PCDHGA1: variants seen among roughly 807,000 people sequenced by gnomAD.
PCDHGA1 encodes the protein protocadherin gamma subfamily A, 1, also known as protocadherin gamma-A1.
In PCDHGA1, 32 loss-of-function variants were observed where a neutral mutation model predicts 58.0. The ratio of observed to expected loss-of-function variants is 0.55; its 90% CI spans 0.42 to 0.74. The LOEUF (loss-of-function observed/expected upper bound fraction) is 0.74. Ranked by LOEUF, PCDHGA1 falls within the 30% of genes least tolerant of loss-of-function variation. The pLI, the probability that PCDHGA1 is intolerant of heterozygous loss-of-function variation, is 0.00. For missense variants in PCDHGA1, 1,205 were observed against 1,182.3 expected (o/e 1.02, Z -0.28); for synonymous variants, 498 against 501.1 (o/e 0.99, Z 0.08).
At chr5:141,390,536 C>T (rs2092171598) in intron 1 of PCDHGA1, 1 of 522,874 alleles carries the variant, frequency 1.9e-6, no homozygotes, top group Non-Finnish European at 3.4e-6. Context: ...TGGTTTTAAC[C>T]ACAAAGTGAA....
chr5:141,477,220 G>A lies in PCDHGA1; in HGVS notation c.2422-17587G>A. 24 of 1,614,190 alleles carry A rather than the reference G, an allele frequency of 1.5e-5. No individual in the cohort carries two copies. The highest frequency in any genetic ancestry group is 1.9e-5 in the Non-Finnish European group (23 of 1,180,040). ...CAGTACCCGAGGATGCCCCTCTGGG[G>A]ACTGTCATCGCTTTGCTCAGTGTGA... is the stretch of plus-strand genomic sequence containing the variant. On this transcript the variant is annotated intron_variant, in intron 1 of 3. Coordinates refer to ENST00000517417, the MANE Select transcript of PCDHGA1 (RefSeq NM_018912.3). The surrounding 1 kb of genome is among the most constrained non-coding windows in gnomAD (Gnocchi z 4.9).
chr5:141,430,805 C>T (rs1445689047), intron 1 of PCDHGA1: 2 of 1,525,722 alleles, frequency 1.3e-6, no homozygotes, highest in Admixed American at 2.3e-5. Flanking sequence ...GCTTGTCCTG[C>T]TGGGAATCCT....
At chr5:141,437,796 G>A (rs2097911691) in intron 1 of PCDHGA1, among the ~76,000 whole-genome samples, 1 of 150,348 alleles carries the variant, frequency 6.7e-6, no homozygotes, top group South Asian at 2.1e-4. Context: ...GGAGTGCAGT[G>A]GCACTATCTT....
chr5:141,419,993 G>T (rs754254084), intron 1 of PCDHGA1: 5 of 1,614,056 alleles, frequency 3.1e-6, no homozygotes, highest in Middle Eastern at 1.6e-4. Context: ...TCTAGCTATT[G>T]CTCTACGCCT....
At position 141,433,069 on chromosome 5, in the gene PCDHGA1, C is replaced by G. The variant is rs561950316; in HGVS notation, c.2422-61738C>G. The G allele has an allele frequency of 3.1e-6, 5 of 1,614,200 alleles. No homozygotes were observed. In the Admixed American group the frequency reaches 8.3e-5, roughly 27 times the overall value. Reference sequence around the variant, plus strand: ...ACTCGCGGAAGAGTCACCTGATCTTCCCCCAGCCCAACTATGCAGACATGC... The same window carrying G: ...ACTCGCGGAAGAGTCACCTGATCTTGCCCCAGCCCAACTATGCAGACATGC... On this transcript the variant is annotated intron_variant, in intron 1 of 3. Coordinates refer to ENST00000517417, the MANE Select transcript of PCDHGA1 (RefSeq NM_018912.3).
Position 141,477,447 on chromosome 5 carries a change from G to T in PCDHGA1, c.2422-17360G>T, listed in dbSNP as rs779097830. The T allele has an allele frequency of 6.2e-7, 1 of 1,614,098 alleles. No homozygotes were observed. Among genetic ancestry groups the T allele is most frequent in the Non-Finnish European group, 8.5e-7 (1 of 1,180,016 alleles). ...TCCCTCTCAGCCCTTACAATAGTGCGTGTTCAAGTGTCCGACATCAATGAC... is the reference window on the plus strand; with the variant it reads ...TCCCTCTCAGCCCTTACAATAGTGCTTGTTCAAGTGTCCGACATCAATGAC... On this transcript the variant is annotated intron_variant, in intron 1 of 3. Coordinates refer to ENST00000517417, the MANE Select transcript of PCDHGA1 (RefSeq NM_018912.3). This position sits in a 1 kb window ranked among gnomAD's most constrained non-coding sequence, Gnocchi z 4.9.
In PCDHGA1 at chr5:141,511,296, A is replaced by C; in HGVS notation, c.*123A>C. 1 of 1,505,968 alleles carries C rather than the reference A, an allele frequency of 6.6e-7. No individual in the cohort carries two copies. The allele number at this position is 1,505,968 out of a possible 1,614,324, so 93.3% of individuals were successfully genotyped here. On this transcript the variant is annotated 3_prime_UTR_variant, in exon 4 of 4. Coordinates refer to ENST00000517417, the MANE Select transcript of PCDHGA1 (RefSeq NM_018912.3). ...CAGAATACTGGTAGGGGCCAAGGCCATGCTCCCCTTGGGAAACAGAAACAA... is the reference window on the plus strand; with the variant it reads ...CAGAATACTGGTAGGGGCCAAGGCCCTGCTCCCCTTGGGAAACAGAAACAA...
chr5:141,474,056 C>T (rs576482294), intron 1 of PCDHGA1, among the ~76,000 whole-genome samples: 37 of 152,136 alleles, frequency 2.4e-4, no homozygotes, highest in Non-Finnish European at 4.9e-4. Flanking sequence ...GATGACAGAG[C>T]GAGATCCTGC....
chr5:141,360,594 A>T (rs1375239245), intron 1 of PCDHGA1: 2 of 1,614,032 alleles, frequency 1.2e-6, no homozygotes, highest in Admixed American at 3.3e-5. Flanking sequence ...CAACATTTCC[A>T]CTTGACCCAG....
chr5:141,485,920 T>G lies in PCDHGA1; in HGVS notation c.2422-8887T>G. 4 of 1,614,038 alleles carry G rather than the reference T, an allele frequency of 2.5e-6. No individual in the cohort carries two copies. Among genetic ancestry groups the G allele is most frequent in the Non-Finnish European group, 3.4e-6 (4 of 1,180,010 alleles). ...CCTTCCAGCAATCCAGCTACAGGAT[T>G]AGTGTGTTGGAGAGCGCACCAGCGG... On this transcript the variant is annotated intron_variant, in intron 1 of 3. Transcript: ENST00000517417. The surrounding 1 kb of genome is among the most constrained non-coding windows in gnomAD (Gnocchi z 5.7).
intron 1 of PCDHGA1, chr5:141,378,129 A>G (rs974715464): frequency 1.3e-5 from 2 of 152,224 alleles, no homozygotes; most frequent in African/African-American, 4.8e-5. Context: ...GTATTTGTTG[A>G]CATCACCATT....
chr5:141,496,554 G>T (rs2099769470), intron 2 of PCDHGA1, among the ~76,000 whole-genome samples: 1 of 152,160 alleles, frequency 6.6e-6, no homozygotes, highest in Non-Finnish European at 1.5e-5. Context: ...TTCTGGGCAT[G>T]CACAGTCCTG....
chr5:141,371,018 C>T (rs750315441), intron 1 of PCDHGA1: 17 of 1,613,876 alleles, frequency 1.1e-5, no homozygotes, highest in Non-Finnish European at 1.3e-5. Flanking sequence ...AGCCACATCA[C>T]CACCTGGTCC....
chr5:141,400,579 A>G (rs748573702), intron 1 of PCDHGA1: 2 of 1,610,854 alleles, frequency 1.2e-6, no homozygotes, highest in Non-Finnish European at 1.7e-6. Flanking sequence ...TTCTGTATTT[A>G]CATGAAACTA....
At chr5:141,361,738 C>T (rs1860251) in intron 1 of PCDHGA1, 2 of 1,613,136 alleles carry the variant, frequency 1.2e-6, no homozygotes, top group Non-Finnish European at 1.7e-6. Context: ...ACTGCAGGCC[C>T]GCGACCAGGG....
At chr5:141,448,021 G>A (rs1376525971) in intron 1 of PCDHGA1, among the ~76,000 whole-genome samples, 2 of 152,050 alleles carry the variant, frequency 1.3e-5, no homozygotes, top group African/African-American at 4.8e-5. Context: ...AGGAGGTGGA[G>A]GTTGCAGTGA....
chr5:141,380,299 C>G (rs1776363020), intron 1 of PCDHGA1, among the ~76,000 whole-genome samples: 2 of 152,210 alleles, frequency 1.3e-5, no homozygotes, highest in Middle Eastern at 3.4e-3. Flanking sequence ...ATACCTATAT[C>G]TTTGCTTGAG....
chr5:141,421,926 C>T, intron 1 of PCDHGA1: 1 of 1,613,460 alleles, frequency 6.2e-7, no homozygotes, highest in Non-Finnish European at 8.5e-7. Context: ...GTGTGGTGGT[C>T]CTCGATGTAA....
Position 141,485,392 on chromosome 5 carries a change from A to G in PCDHGA1, c.2422-9415A>G. ...AGGTCGCTGGAGAGGTGAACCAAAG[A>G]CACTTCCGTGTGGATTTGGACAGCG... On this transcript the variant is annotated intron_variant, in intron 1 of 3. Coordinates refer to ENST00000517417, the MANE Select transcript of PCDHGA1 (RefSeq NM_018912.3). This position sits in a 1 kb window ranked among gnomAD's most constrained non-coding sequence, Gnocchi z 5.7. 1 of 1,613,918 alleles carries G rather than the reference A, an allele frequency of 6.2e-7. No homozygotes were observed. The highest frequency in any genetic ancestry group is 8.5e-7 in the Non-Finnish European group (1 of 1,179,938).
Sources: gnomAD v4.1 joint callset for allele counts (sites outside exome capture counted in the v4.1 genomes callset) on GRCh38, gnomAD v4.1.1 for gene constraint, Gnocchi (gnomAD v3.1) non-coding constraint, MANE v1.5 for transcripts, NCBI Gene and HGNC (gene_info 2026-07-23, HGNC 2026-07-21) for gene names.